The following ATAD2B variants were observed in gnomAD, a reference collection of about 807,000 sequenced individuals.
The protein encoded by ATAD2B is ATPase family AAA domain-containing protein 2B.
Under a neutral mutation model 167.6 loss-of-function variants are expected in ATAD2B, and 40 were observed. The ratio of observed to expected loss-of-function variants is 0.24; its 90% CI spans 0.19 to 0.31. ATAD2B has a LOEUF of 0.31. Among genes scored for constraint, ATAD2B ranks in the 10% least tolerant of loss-of-function variants. The pLI is 1.00. For missense variants in ATAD2B, 1,242 were observed against 1,757.2 expected, an observed-to-expected ratio of 0.71 and a Z score of 5.24; for synonymous variants, 579 against 596.5, an observed-to-expected ratio of 0.97 and a Z score of 0.43.
At chr2:23,691,819 G>A in the ATAD2B span, 1 of 1,551,618 alleles carries the variant, frequency 6.4e-7, no homozygotes. Flanking sequence ...GACACTGCTG[G>A]AGGCGGCCAG....
chr2:23,783,753 T>C (rs1215429995), intron 21 of ATAD2B, among the ~76,000 whole-genome samples: 2 of 152,108 alleles, frequency 1.3e-5, no homozygotes, highest in African/African-American at 2.4e-5. Flanking sequence ...TAGCAACTTA[T>C]GTATCTACTG....
In ATAD2B at chr2:23,915,586, C is replaced by CTT. The variant is rs869032768; in HGVS notation, c.216+10967_216+10968dup. On this transcript the variant is annotated intron_variant, in intron 1 of 27. Transcript: ENST00000238789. ...AAACAACCATGTCTGACTACCGATT[C>CTT]TTTTTTTTTTTTTTTTTTTTTTTTT... is the stretch of plus-strand genomic sequence containing the variant. Among the ~76,000 whole-genome samples, 316 of 65,246 alleles carry CTT rather than the reference C, an allele frequency of 4.8e-3. 55 individuals are homozygous for CTT. The highest frequency in any genetic ancestry group is 0.014 in the African/African-American group (228 of 16,638). 42.8% of individuals were successfully genotyped at this position (65,246 alleles called of 152,430 possible).
At chr2:23,896,324 C>CAAA (rs200614932) in intron 1 of ATAD2B, among the ~76,000 whole-genome samples, 2 of 124,708 alleles carry the variant, frequency 1.6e-5, no homozygotes. Flanking sequence ...GACTTTGTCT[C>CAAA]AAAAAAAAAA....
chr2:23,918,630 C>T (rs953531283), intron 1 of ATAD2B, among the ~76,000 whole-genome samples: 8 of 152,102 alleles, frequency 5.3e-5, no homozygotes, highest in Non-Finnish European at 1.0e-4. Flanking sequence ...CCAATATACT[C>T]CTAGACACCA....
At chr2:23,758,385 T>C (rs1432399771) in intron 24 of ATAD2B, among the ~76,000 whole-genome samples, 1 of 152,208 alleles carries the variant, frequency 6.6e-6, no homozygotes, top group Non-Finnish European at 1.5e-5. Context: ...ACTTTACTAC[T>C]GTTCCTAATT....
intron 18 of ATAD2B, among the ~76,000 whole-genome samples, chr2:23,808,190 T>C (rs1684959286): frequency 8.7e-6 from 1 of 114,306 alleles, no homozygotes; most frequent in Non-Finnish European, 1.8e-5. Flanking sequence ...TATATATATA[T>C]TTATATTTAT....
intron 19 of ATAD2B, among the ~76,000 whole-genome samples, chr2:23,790,981 C>G (rs1005676460): frequency 1.8e-4 from 28 of 152,096 alleles, no homozygotes; most frequent in Admixed American, 1.0e-3. Context: ...CTCCCATGTC[C>G]CAGCCTAACA....
At chr2:23,706,722 C>G in the ATAD2B span, 1 of 1,298,444 alleles carries the variant, frequency 7.7e-7, no homozygotes, top group Non-Finnish European at 1.0e-6. Flanking sequence ...AAGTGCCACG[C>G]AATGATAATT....
intron 8 of ATAD2B, chr2:23,872,247 C>T (rs985965979): frequency 2.4e-5 from 10 of 415,684 alleles, no homozygotes; most frequent in South Asian, 8.3e-5. Flanking sequence ...TGAAGTGACA[C>T]GATCATAGCT....
chr2:23,827,376 C>G (rs1041309725), intron 15 of ATAD2B, among the ~76,000 whole-genome samples: 15 of 152,054 alleles, frequency 9.9e-5, no homozygotes, highest in African/African-American at 3.6e-4. Context: ...CAAAAGGAAA[C>G]TAAGATTCTA....
the ATAD2B span, among the ~76,000 whole-genome samples, chr2:23,735,829 C>T: frequency 6.6e-6 from 1 of 152,190 alleles, no homozygotes; most frequent in Non-Finnish European, 1.5e-5. Context: ...ACTCCATCAC[C>T]TCCAAGCACT....
chr2:23,759,151 G>A (rs1403202483), intron 24 of ATAD2B, among the ~76,000 whole-genome samples: 1 of 151,970 alleles, frequency 6.6e-6, no homozygotes, highest in Admixed American at 6.6e-5. Context: ...ATCACTTCTG[G>A]TATCTAACCC....
chr2:23,741,119 C>T, the ATAD2B span, among the ~76,000 whole-genome samples: 1 of 151,800 alleles, frequency 6.6e-6, no homozygotes, highest in African/African-American at 2.4e-5. Context: ...TGAAAATGGC[C>T]ATACTGCCCA....
At chr2:23,733,080 C>T in the ATAD2B span, among the ~76,000 whole-genome samples, 1 of 152,172 alleles carries the variant, frequency 6.6e-6, no homozygotes, top group Non-Finnish European at 1.5e-5. Context: ...GTGTTAGTCG[C>T]TATCATTATT....
At chr2:23,694,629 C>T in the ATAD2B span, among the ~76,000 whole-genome samples, 1 of 152,230 alleles carries the variant, frequency 6.6e-6, no homozygotes, top group Non-Finnish European at 1.5e-5. Context: ...TCTCCCTAAA[C>T]GCCTCCTCAA....
chr2:23,808,068 A>AATATATAAGTAATTATATATATAATT (rs1684836922), intron 18 of ATAD2B, among the ~76,000 whole-genome samples: 3 of 60,918 alleles, frequency 4.9e-5, no homozygotes, highest in South Asian at 4.7e-4. Context: ...TATAAATTAT[A>AATATATAAGTAATTATATATATAATT]ATATATAAGT....
chr2:23,864,947 T>C, intron 10 of ATAD2B, 23 bp from the exon 11 acceptor site: 3 of 1,370,234 alleles, frequency 2.2e-6, no homozygotes, highest in Non-Finnish European at 3.0e-6. Flanking sequence ...GGGAAAAATT[T>C]GATATCAAAC....
chr2:23,774,097 GT>G (rs1558512139), intron 22 of ATAD2B, among the ~76,000 whole-genome samples: 2 of 152,100 alleles, frequency 1.3e-5, no homozygotes, highest in Non-Finnish European at 2.9e-5. Context: ...ATTATTAAGA[GT>G]AACCATATTT....
intron 2 of ATAD2B, among the ~76,000 whole-genome samples, chr2:23,891,434 G>T (rs1279652170): frequency 6.6e-6 from 1 of 151,972 alleles, no homozygotes; most frequent in Non-Finnish European, 1.5e-5. Context: ...GCTATTTTTT[G>T]AAAAGAAGGA....
Sources: gnomAD v4.1 joint callset for allele counts (sites outside exome capture counted in the v4.1 genomes callset) on GRCh38, gnomAD v4.1.1 for gene constraint, MANE v1.5 for transcripts, NCBI Gene and HGNC (gene_info 2026-07-23, HGNC 2026-07-21) for gene names.